Variants in GPNMB observed in about 807,000 individuals in gnomAD.
The protein encoded by GPNMB is transmembrane glycoprotein NMB.
Under a neutral mutation model 57.3 loss-of-function variants are expected in GPNMB, and 71 were observed. The ratio of observed to expected loss-of-function variants is 1.24; its 90% CI spans 1.02 to 1.51. The LOEUF (loss-of-function observed/expected upper bound fraction) is 1.51, where lower values mean the gene tolerates loss of function less well. Among genes scored for constraint, GPNMB ranks in the 40% most tolerant of loss-of-function variants. The probability of loss-of-function intolerance (pLI) is 0.00; values close to 1 mark genes in which losing one functional copy is unlikely to be tolerated. For missense variants in GPNMB, 677 were observed against 691.9 expected (o/e 0.98, Z 0.24); for synonymous variants, 253 against 263.2 (o/e 0.96, Z 0.38).
intron 3 of GPNMB, 37 bp downstream of exon 3, chr7:23,254,349 C>G: frequency 6.4e-7 from 1 of 1,568,372 alleles, no homozygotes; most frequent in Non-Finnish European, 8.8e-7. Flanking sequence ...ACTGGAGACC[C>G]AGTTTCTAAA....
Position 23,261,570 on chromosome 7 carries a change from G to A in GPNMB, c.1018+797G>A, listed in dbSNP as rs1291299487. On this transcript the variant is annotated intron_variant, in intron 6 of 10. Coordinates refer to ENST00000258733, the MANE Select transcript of GPNMB (RefSeq NM_002510.3). ...GCCGCATGTTCTCATTCACAGGTGG[G>A]AACTGAACAATGAGAACACTTGGAC... Among the ~76,000 whole-genome samples, 3 of 152,204 alleles carry A rather than the reference G, an allele frequency of 2.0e-5. No homozygotes were observed. The East Asian group carries it at 5.8e-4, about 29-fold the overall frequency.
At chr7:23,267,267 C>G (rs1783087541) in intron 7 of GPNMB, among the ~76,000 whole-genome samples, 1 of 152,202 alleles carries the variant, frequency 6.6e-6, no homozygotes, top group East Asian at 1.9e-4. Flanking sequence ...CACACAAAGG[C>G]TCTAGGAACA....
chr7:23,263,629 A>G (rs1782984621), intron 6 of GPNMB, among the ~76,000 whole-genome samples: 1 of 151,836 alleles, frequency 6.6e-6, no homozygotes, highest in Non-Finnish European at 1.5e-5. Context: ...AAAAAAAAAA[A>G]AAGATATAAA....
At chr7:23,258,098 T>C (rs1782825371) in intron 4 of GPNMB, 1 of 152,206 alleles carries the variant, frequency 6.6e-6, no homozygotes, top group South Asian at 2.1e-4. Flanking sequence ...TTTGTTGTAT[T>C]ATTGGGGAAA....
intron 4 of GPNMB, chr7:23,258,194 G>A (rs969748982): frequency 2.0e-5 from 3 of 152,134 alleles, no homozygotes; most frequent in Non-Finnish European, 4.4e-5. Context: ...GTGCCACCTG[G>A]CACTGAGTAT....
At chr7:23,264,786 G>T (rs148298319) in intron 6 of GPNMB, among the ~76,000 whole-genome samples, 1 of 152,270 alleles carries the variant, frequency 6.6e-6, no homozygotes, top group East Asian at 1.9e-4. Context: ...TAAAGTATAT[G>T]CAGAACAAGA....
intron 1 of GPNMB, 40 bp from the exon 2 acceptor site, chr7:23,253,267 A>G (rs1322896940): frequency 6.3e-7 from 1 of 1,587,246 alleles, no homozygotes; most frequent in South Asian, 1.1e-5. Context: ...TGAGGTGATT[A>G]CTAAATGAAG....
intron 1 of GPNMB, among the ~76,000 whole-genome samples, chr7:23,248,844 T>C (rs113116805): frequency 0.033 from 5,058 of 151,946 alleles, 234 homozygotes; most frequent in East Asian, 0.12. Context: ...AGTGCAGTGG[T>C]GTGATCACAG....
chr7:23,248,713 G>C (rs919567628), intron 1 of GPNMB, among the ~76,000 whole-genome samples: 1 of 151,788 alleles, frequency 6.6e-6, no homozygotes, highest in Non-Finnish European at 1.5e-5. Flanking sequence ...CCTTCACATT[G>C]ATTGCCCCCA....
chr7:23,274,000 T>C lies in GPNMB; in HGVS notation c.1524-65T>C, dbSNP rs989751163. 2.4e-6 allele frequency: 3 copies of C among 1,248,442 alleles called. No individual in the cohort carries two copies. In the African/African-American group the frequency reaches 4.5e-5, roughly 19 times the overall value. 77.3% of individuals were successfully genotyped at this position (1,248,442 alleles called of 1,614,324 possible). A position where few individuals can be genotyped will look rare whatever the true frequency, so the allele number is the denominator to read the frequency against. On this transcript the variant is annotated intron_variant, in intron 10 of 10. Coordinates refer to ENST00000258733, the MANE Select transcript of GPNMB (RefSeq NM_002510.3). ...CTTTTATACCTGGCATGAAAAAGAT[T>C]GTAGAAAGTTGTATATTTCAACTGA...
chr7:23,262,608 CTTTTTTTTTT>C (rs58011121), intron 6 of GPNMB, among the ~76,000 whole-genome samples: 7 of 62,850 alleles, frequency 1.1e-4, no homozygotes, highest in Admixed American at 2.9e-4. Flanking sequence ...TCACCATTCT[CTTTTTTTTTT>C]TTTTTTTTTT....
Position 23,253,315 on chromosome 7 carries a change from G to C in GPNMB, c.79G>C (p.Asp27His). 3.7e-6 allele frequency: 6 copies of C among 1,612,914 alleles called. No homozygotes were observed. The highest frequency in any genetic ancestry group is 5.1e-6 in the Non-Finnish European group (6 of 1,179,398). Residue 27 changes from aspartate (D) to histidine (H), a missense_variant, in exon 2 of 11, where the codon GAT (aspartate) becomes CAT (histidine). Coordinates refer to ENST00000258733, the MANE Select transcript of GPNMB (RefSeq NM_002510.3). ...LPLDAAKRFH[D>H]VLGNERPSAY... Reference sequence around the variant, plus strand: ...TTCGAATATTGATACAGGATTTCATGATGTGCTGGGCAATGAAAGACCTTC... The same window carrying C: ...TTCGAATATTGATACAGGATTTCATCATGTGCTGGGCAATGAAAGACCTTC...
At chr7:23,252,399 C>T (rs968775562) in intron 1 of GPNMB, among the ~76,000 whole-genome samples, 5 of 152,150 alleles carry the variant, frequency 3.3e-5, no homozygotes, top group Admixed American at 3.3e-4. Context: ...TGAGTAGAAA[C>T]ATACATCAAT....
chr7:23,267,852 T>C (rs1783105957), intron 7 of GPNMB, 34 bp from the exon 8 acceptor site: 3 of 1,303,284 alleles, frequency 2.3e-6, no homozygotes, highest in Admixed American at 1.7e-5. Flanking sequence ...CTGTTGTATT[T>C]TGATGTGTTT....
chr7:23,256,176 G>A (rs748911635), intron 3 of GPNMB, among the ~76,000 whole-genome samples: 1 of 152,180 alleles, frequency 6.6e-6, no homozygotes, highest in Non-Finnish European at 1.5e-5. Flanking sequence ...AAAGTGCTGG[G>A]ATTACAGGTG....
intron 6 of GPNMB, among the ~76,000 whole-genome samples, chr7:23,265,422 TA>T (rs1363771465): frequency 6.6e-6 from 1 of 152,248 alleles, no homozygotes; most frequent in African/African-American, 2.4e-5. Flanking sequence ...TTTATCTTGC[TA>T]AAGGAGCAGC....
chr7:23,260,169 G>A (rs772196171), intron 5 of GPNMB, 31 bp downstream of exon 5: 1 of 1,609,072 alleles, frequency 6.2e-7, no homozygotes, highest in Non-Finnish European at 8.5e-7. Context: ...CTGAGGATGA[G>A]GCACTTCATT....
intron 2 of GPNMB, among the ~76,000 whole-genome samples, chr7:23,253,829 T>C (rs1016872207): frequency 6.6e-6 from 1 of 152,216 alleles, no homozygotes; most frequent in Non-Finnish European, 1.5e-5. Flanking sequence ...TCTTTCTTTT[T>C]AGATAAAAGA....
chr7:23,256,262 A>G (rs1406095011), intron 3 of GPNMB, among the ~76,000 whole-genome samples: 1 of 152,150 alleles, frequency 6.6e-6, no homozygotes, highest in Non-Finnish European at 1.5e-5. Flanking sequence ...AACTATAGTC[A>G]CCTAGATTCA....
Sources: allele counts gnomAD v4.1 joint callset (sites outside exome capture counted in the v4.1 genomes callset), GRCh38; gene constraint gnomAD v4.1.1; transcripts MANE v1.5; gene names NCBI Gene and HGNC (gene_info 2026-07-23, HGNC 2026-07-21).